DNAH1: variants seen among roughly 807,000 people sequenced by gnomAD.
The protein encoded by DNAH1 is axonemal beta dynein heavy chain 1.
DNAH1 carries 327 observed loss-of-function variants against 484.3 expected under a neutral mutation model. The observed-to-expected ratio is 0.68, with a 90% CI of 0.62 to 0.74. DNAH1 has a LOEUF of 0.74. Among genes scored for constraint, DNAH1 ranks in the 30% least tolerant of loss-of-function variants. DNAH1 has a pLI of 0.00. For missense variants in DNAH1, 5,052 were observed against 5,546.8 expected (o/e 0.91, Z 2.83); for synonymous variants, 2,192 against 2,191.9 (o/e 1.00, Z 0.00).
At chr3:52,374,854 A>C in intron 44 of DNAH1, 1 of 1,111,772 alleles carries the variant, frequency 9.0e-7, no homozygotes, top group East Asian at 2.4e-5. Flanking sequence ...GCATGGGTTA[A>C]AATAGAAAAT....
Position 52,361,928 on chromosome 3 carries a change from G to C in DNAH1, c.4980+162G>C, listed in dbSNP as rs905493425. On this transcript the variant is annotated intron_variant, in intron 30 of 77. Coordinates refer to ENST00000420323, the MANE Select transcript of DNAH1 (RefSeq NM_015512.5). This position sits in a 1 kb window ranked among gnomAD's most constrained non-coding sequence, Gnocchi z 5.6. Reference sequence around the variant, plus strand: ...AACCCCAGTCTGTGGGCAGCTCCCAGGCCAAGCTGCGGGGGATGAAGGGGT... The same window carrying C: ...AACCCCAGTCTGTGGGCAGCTCCCACGCCAAGCTGCGGGGGATGAAGGGGT... Among the ~76,000 whole-genome samples, 1 of 152,238 alleles carries C rather than the reference G, an allele frequency of 6.6e-6. No individual in the cohort carries two copies. The highest frequency in any genetic ancestry group is 2.4e-5 in the African/African-American group (1 of 41,464).
Position 52,357,657 on chromosome 3 carries a change from G to A in DNAH1, c.3902G>A (p.Arg1301Gln), listed in dbSNP as rs760183835. 1.1e-5 allele frequency: 17 copies of A among 1,598,532 alleles called. No homozygotes were observed. In the South Asian group the frequency reaches 1.4e-4, roughly 13 times the overall value. The stretch of plus-strand genomic sequence containing the variant: ...GACCTGAGAATGCTGGACAGCCTGC[G>A]GGACTGCAACAAGATTCTGGACCTG... ...CSDLRMLDSL[R>Q]DCNKILDLVQ... is the part of the protein sequence containing the mutation. The change falls in exon 23 of 78, where the codon CGG (arginine) becomes CAG (glutamine). Residue 1301 changes from arginine to glutamine, a missense_variant. Around this residue, in one of 4 missense-constraint regions of DNAH1, gnomAD observed 2,929 missense variants for 3,409.4 expected, o/e 0.86. Transcript: ENST00000420323.
Position 52,381,934 on chromosome 3 carries a change from A to G in DNAH1, c.7805+98A>G. On this transcript the variant is annotated intron_variant, in intron 49 of 77. Transcript: ENST00000420323. This position sits in a 1 kb window ranked among gnomAD's most constrained non-coding sequence, Gnocchi z 4.1. ...TGCACAGTGGTAGAGGCCTCGGGCA[A>G]CCCTGAAGTAGGCCCGTGCAGCCTA... 2 of 1,304,506 alleles carry G rather than the reference A, an allele frequency of 1.5e-6. No homozygotes were observed. The highest frequency in any genetic ancestry group is 2.1e-6 in the Non-Finnish European group (2 of 965,056). The allele number at this position is 1,304,506 out of a possible 1,614,324, so 80.8% of individuals were successfully genotyped here. A position where few individuals can be genotyped will look rare whatever the true frequency, so the allele number is the denominator to read the frequency against.
Position 52,375,406 on chromosome 3 carries a change from C to T in DNAH1, c.7152C>T (p.Asn2384=), listed in dbSNP as rs748449479. The change falls in exon 45 of 78, where the codon AAC becomes AAT. Residue 2384 remains asparagine (N), a synonymous_variant. Transcript: ENST00000420323. ...GCATCTTCTCCACCATCCTGGGCAA[C>T]TGGTTGGGTGAGTATTGGTGGGGGT... ...KKRIFSTILG[N]WLDGLLGEKS... 3.1e-6 allele frequency: 5 copies of T among 1,612,786 alleles called. No homozygotes were observed. In the East Asian group the frequency reaches 8.9e-5, roughly 29 times the overall value.
chr3:52,388,990 CT>C, intron 59 of DNAH1, 53 bp downstream of exon 59: 1 of 1,526,854 alleles, frequency 6.5e-7, no homozygotes, highest in Non-Finnish European at 8.8e-7. Context: ...CAAAGAGACC[CT>C]TCCCCCTTGA....
chr3:52,341,734 A>G (rs1022737044), intron 8 of DNAH1, among the ~76,000 whole-genome samples: 2 of 151,992 alleles, frequency 1.3e-5, no homozygotes, highest in African/African-American at 4.8e-5. Context: ...ACTAGCTGAG[A>G]TGTACCCCTG....
At chr3:52,369,699 C>G (rs1407056197) in intron 37 of DNAH1, 126 bp from the exon 38 acceptor site, 2 of 1,045,892 alleles carry the variant, frequency 1.9e-6, no homozygotes, top group African/African-American at 1.6e-5. Context: ...AGCACTGCCC[C>G]TGCCCCACAG....
intron 16 of DNAH1, 135 bp downstream of exon 16, chr3:52,350,725 A>T: frequency 2.3e-6 from 2 of 860,028 alleles, no homozygotes; most frequent in Non-Finnish European, 3.7e-6. Flanking sequence ...GAGATTTCAG[A>T]GGCCAGGGCT....
chr3:52,397,172 T>A, intron 73 of DNAH1, 128 bp downstream of exon 73: 1 of 916,720 alleles, frequency 1.1e-6, no homozygotes, highest in Non-Finnish European at 1.6e-6. Flanking sequence ...TTTTCATCAG[T>A]CAATCCATCC....
chr3:52,349,785 G>A (rs2153223932), intron 14 of DNAH1, among the ~76,000 whole-genome samples: 1 of 152,342 alleles, frequency 6.6e-6, no homozygotes. Context: ...GGTGAGGTGT[G>A]CCGGGTCATA....
chr3:52,322,668 C>A lies in DNAH1; in HGVS notation c.226C>A (p.Gln76Lys). 4 of 1,613,918 alleles carry A rather than the reference C, an allele frequency of 2.5e-6. No homozygotes were observed. The highest frequency in any genetic ancestry group is 3.4e-6 in the Non-Finnish European group (4 of 1,179,864). The part of the protein sequence containing the change: ...PAPPTLSDLG[Q>K]PRKSPLTGTD... The stretch of plus-strand genomic sequence containing the variant: ...CCCACCCACACTCTCAGACTTGGGG[C>A]AGCCACGGAAGTCACCCCTGACAGG... The change falls in exon 2 of 78, where the codon CAG (glutamine) becomes AAG (lysine). Residue 76 changes from glutamine to lysine, a missense_variant. Gln to Lys is a moderately conservative substitution (Grantham distance 53, BLOSUM62 1). Transcript: ENST00000420323.
In DNAH1 at chr3:52,322,699, A is replaced by T. The variant is rs1425784387; in HGVS notation, c.257A>T (p.Asp86Val). 1 of 1,613,650 alleles carries T rather than the reference A, an allele frequency of 6.2e-7. No individual in the cohort carries two copies. Among genetic ancestry groups the T allele is most frequent in the African/African-American group, 1.3e-5 (1 of 74,886 alleles). The part of the protein sequence containing the change: ...QPRKSPLTGT[D>V]KKYPLMKQRG... The stretch of plus-strand genomic sequence containing the variant: ...CGGAAGTCACCCCTGACAGGCACTG[A>T]TAAGAAGTACCCGCTGATGAAGCAG... Residue 86 changes from aspartate (D) to valine (V), a missense_variant, in exon 2 of 78, where the codon GAT (aspartate) becomes GTT (valine). Physicochemically the swap from Asp to Val is radical, Grantham distance 152. Around this residue, in one of 4 missense-constraint regions of DNAH1, gnomAD observed 1,263 missense variants for 1,218.8 expected, o/e 1.04. Transcript: ENST00000420323.
At chr3:52,326,436 G>T (rs761931981) in intron 4 of DNAH1, 122 bp downstream of exon 4, 9 of 1,250,728 alleles carry the variant, frequency 7.2e-6, no homozygotes, top group Non-Finnish European at 9.8e-6. Flanking sequence ...CAAGTGTTTA[G>T]ATCGAATCTT....
At position 52,372,938 on chromosome 3, in the gene DNAH1, C is replaced by T; in HGVS notation, c.6870C>T (p.Ile2290=). The change falls in exon 44 of 78, where the codon ATC becomes ATT. Residue 2290 remains isoleucine, a synonymous_variant. Coordinates refer to ENST00000420323, the MANE Select transcript of DNAH1 (RefSeq NM_015512.5). ...VFGPPLGRNF[I]FFIDDLNMPA... ...GACCACCTCTGGGGCGCAACTTTAT[C>T]TTCTTCATCGATGACCTGAACATGC... is the stretch of plus-strand genomic sequence containing the variant. 1 of 1,613,762 alleles carries T rather than the reference C, an allele frequency of 6.2e-7. No individual in the cohort carries two copies. The highest frequency in any genetic ancestry group is 8.5e-7 in the Non-Finnish European group (1 of 1,179,822).
chr3:52,313,014 C>T (rs1037215542), upstream of DNAH1, among the ~76,000 whole-genome samples: 6 of 152,106 alleles, frequency 3.9e-5, no homozygotes, highest in Admixed American at 6.6e-5. Context: ...CTTGAACTCC[C>T]GAACTCAAAT....
chr3:52,354,103 A>G (rs551990713), intron 20 of DNAH1, among the ~76,000 whole-genome samples: 2 of 152,026 alleles, frequency 1.3e-5, no homozygotes, highest in South Asian at 4.2e-4. Context: ...CTGAGGCTGC[A>G]GTGAGCGGTG....
chr3:52,398,859 GC>G lies in DNAH1; in HGVS notation c.12100del (p.Leu4034CysfsTer4). 6.5e-7 allele frequency: 1 copy of G among 1,544,664 alleles called. No homozygotes were observed. Among genetic ancestry groups the G allele is most frequent in the Non-Finnish European group, 8.8e-7 (1 of 1,142,770 alleles). On this transcript the variant is annotated frameshift_variant, in exon 76 of 78. Coordinates refer to ENST00000420323, the MANE Select transcript of DNAH1 (RefSeq NM_015512.5). LOFTEE classifies it high-confidence loss of function. Reference sequence around the variant, plus strand: ...GCCACTGGCCTCACAGGTACAATCGGCTGCTGCAGGTGATCACACAGACACT... The same window carrying G: ...GCCACTGGCCTCACAGGTACAATCGGTGCTGCAGGTGATCACACAGACACT... Reference protein sequence around the residue: ...LVQEVIRYNRLLQVITQTLQD... With the variant: ...LVQEVIRYNRXLQVITQTLQD...
chr3:52,336,409 C>T (rs374448032), intron 8 of DNAH1, among the ~76,000 whole-genome samples: 18 of 152,114 alleles, frequency 1.2e-4, no homozygotes, highest in African/African-American at 4.3e-4. Context: ...AAAAAATTAG[C>T]CAGGCATGGT....
chr3:52,344,809 T>C (rs1335091286), intron 9 of DNAH1, among the ~76,000 whole-genome samples, 162 bp downstream of exon 9: 1 of 152,256 alleles, frequency 6.6e-6, no homozygotes, highest in Non-Finnish European at 1.5e-5. Flanking sequence ...TTCTCCCTGC[T>C]GCCTGGAGGG....
Sources: allele counts gnomAD v4.1 joint callset (sites outside exome capture counted in the v4.1 genomes callset), GRCh38; gene constraint gnomAD v4.1.1; regional missense constraint gnomAD v4.1.1; non-coding constraint Gnocchi (gnomAD v3.1); transcripts MANE v1.5; gene names NCBI Gene and HGNC (gene_info 2026-07-23, HGNC 2026-07-21).